The following RBM19 variants were observed in gnomAD, a reference collection of about 807,000 sequenced individuals.
The protein encoded by RBM19 is probable RNA-binding protein 19.
RBM19 carries 94 observed loss-of-function variants against 116.8 expected under a neutral mutation model. The observed-to-expected ratio is 0.80, with a 90% confidence interval of 0.68 to 0.95. The LOEUF is 0.95. Among genes scored for constraint, RBM19 ranks in the 40% least tolerant of loss-of-function variants. RBM19 has a pLI of 0.00. For synonymous variants in RBM19, 475 were observed against 494.1 expected, an observed-to-expected ratio of 0.96 and a Z score of 0.51; for missense variants, 1,161 against 1,220.7, an observed-to-expected ratio of 0.95 and a Z score of 0.73.
intron 23 of RBM19, among the ~76,000 whole-genome samples, chr12:113,830,684 T>G (rs1003848977): frequency 2.0e-5 from 3 of 149,660 alleles, no homozygotes; most frequent in Non-Finnish European, 4.4e-5. Context: ...AAGGGGAGTG[T>G]CCCGGTGAGG....
At chr12:113,949,972 A>G in intron 9 of RBM19, 111 bp downstream of exon 9, 2 of 986,396 alleles carry the variant, frequency 2.0e-6, no homozygotes, top group South Asian at 3.0e-5. Flanking sequence ...GTCTGCAGAG[A>G]CACTGCATTC....
intron 16 of RBM19, among the ~76,000 whole-genome samples, chr12:113,928,008 T>G (rs1205056866): frequency 1.3e-5 from 2 of 152,166 alleles, no homozygotes; most frequent in African/African-American, 4.8e-5. Context: ...AAAAAGTATA[T>G]AACTGTAATT....
chr12:113,918,298 A>G, intron 20 of RBM19, 94 bp downstream of exon 20: 1 of 1,200,398 alleles, frequency 8.3e-7, no homozygotes, highest in Non-Finnish European at 1.2e-6. Context: ...TGGAAAGGAC[A>G]TTGAAGGGTT....
chr12:113,893,152 C>T (rs1881072064), intron 21 of RBM19, among the ~76,000 whole-genome samples: 1 of 151,894 alleles, frequency 6.6e-6, no homozygotes, highest in Admixed American at 6.6e-5. Context: ...CCACCTCAGT[C>T]TCCTGAGTAA....
chr12:113,962,148 G>A (rs1466347389), intron 2 of RBM19, 84 bp downstream of exon 2: 20 of 1,484,650 alleles, frequency 1.3e-5, no homozygotes, highest in Middle Eastern at 1.8e-4. Flanking sequence ...GAAGAGGGAC[G>A]GTCTTTGAAC....
intron 23 of RBM19, among the ~76,000 whole-genome samples, chr12:113,829,786 G>A (rs963582445): frequency 3.3e-5 from 5 of 152,196 alleles, no homozygotes; most frequent in Admixed American, 1.3e-4. Flanking sequence ...CCCAGGGCCC[G>A]GCCCGTTGAG....
At chr12:113,900,007 C>T (rs1022372055) in intron 21 of RBM19, among the ~76,000 whole-genome samples, 10 of 152,092 alleles carry the variant, frequency 6.6e-5, no homozygotes, top group Admixed American at 2.6e-4. Flanking sequence ...GGAATGAGGG[C>T]GCACAATGCC....
intron 11 of RBM19, among the ~76,000 whole-genome samples, chr12:113,947,092 T>G (rs956330058): frequency 2.0e-5 from 3 of 152,252 alleles, no homozygotes; most frequent in Non-Finnish European, 4.4e-5. Context: ...CAGTGCCTGC[T>G]AAGTGCCAGA....
intron 1 of RBM19, chr12:113,965,991 G>C: frequency 1.6e-6 from 1 of 616,278 alleles, no homozygotes; most frequent in Non-Finnish European, 2.8e-6. Flanking sequence ...AACCGGCCGT[G>C]AAACCGTAAG....
chr12:113,956,360 C>T (rs1385612515), intron 6 of RBM19, among the ~76,000 whole-genome samples: 3 of 152,010 alleles, frequency 2.0e-5, no homozygotes, highest in Non-Finnish European at 2.9e-5. Context: ...GTGGGTTGAT[C>T]ACTTGAGGCC....
chr12:113,955,065 C>T (rs1413949807), intron 7 of RBM19, 66 bp downstream of exon 7: 1 of 1,532,670 alleles, frequency 6.5e-7, no homozygotes, highest in East Asian at 2.2e-5. Context: ...CCAAAGGCTC[C>T]TGGCCTCCCC....
rs192712191 is a variant in RBM19, at chr12:113,960,835, G to A, written c.220-657C>T. On this transcript the variant is annotated intron_variant, in intron 2 of 23. Transcript: ENST00000261741. ...GCACTGGGGTGACCACTGGAGGGAC[G>A]GAAGAGTACTGGAGACCCAGCCTGA... 3.3e-3 allele frequency among the ~76,000 whole-genome samples: 500 copies of A among 152,286 alleles called. 1 individual carries two copies. The highest frequency in any genetic ancestry group is 0.011 in the African/African-American group (477 of 41,554).
intron 18 of RBM19, among the ~76,000 whole-genome samples, chr12:113,923,133 C>T (rs929467761): frequency 6.6e-6 from 1 of 151,752 alleles, no homozygotes; most frequent in African/African-American, 2.4e-5. Flanking sequence ...GACTCTGTCT[C>T]GAAAAATAAA....
At chr12:113,837,849 A>C (rs115622106) in intron 23 of RBM19, among the ~76,000 whole-genome samples, 2,638 of 152,302 alleles carry the variant, frequency 0.017, 90 homozygotes, top group African/African-American at 0.059. Context: ...ATTCTTGGAA[A>C]TCTCACAACT....
chr12:113,945,810 T>C lies in RBM19; in HGVS notation c.1626+18A>G. 1 of 1,522,994 alleles carries C rather than the reference T, an allele frequency of 6.6e-7. No individual in the cohort carries two copies. Among genetic ancestry groups the C allele is most frequent in the Non-Finnish European group, 9.1e-7 (1 of 1,098,786 alleles). 94.3% of individuals were successfully genotyped at this position (1,522,994 alleles called of 1,614,324 possible). A position where few individuals can be genotyped will look rare whatever the true frequency, so the allele number is the denominator to read the frequency against. On this transcript the variant is annotated intron_variant, in intron 13 of 23. Transcript: ENST00000261741. ...GTTTGGCCCAGATCCCAGAGAGGAC[T>C]GGTCGGCCCTTACTCACGTGGTCAA...
In RBM19 at chr12:113,895,588, G is replaced by A. The variant is rs117956692; in HGVS notation, c.2558+19381C>T. On this transcript the variant is annotated intron_variant, in intron 21 of 23. Coordinates refer to ENST00000261741, the MANE Select transcript of RBM19 (RefSeq NM_016196.4). ...AAATGGACACAACACTATCACATCCGTCGCCTACAGGTTCACATATGTACA... is the reference window on the plus strand; with the variant it reads ...AAATGGACACAACACTATCACATCCATCGCCTACAGGTTCACATATGTACA... 7.0e-3 allele frequency among the ~76,000 whole-genome samples: 1,062 copies of A among 152,232 alleles called. 2 individuals are homozygous for A. The highest frequency in any genetic ancestry group is 0.017 in the Middle Eastern group (5 of 294).
chr12:113,838,748 GA>G (rs1313518315), intron 23 of RBM19, among the ~76,000 whole-genome samples: 1 of 152,184 alleles, frequency 6.6e-6, no homozygotes, highest in Non-Finnish European at 1.5e-5. Flanking sequence ...ACTACAAATT[GA>G]ATGTTCTACT....
intron 17 of RBM19, among the ~76,000 whole-genome samples, chr12:113,925,608 G>A (rs2135875575): frequency 6.6e-6 from 1 of 152,310 alleles, no homozygotes; most frequent in Middle Eastern, 3.4e-3. Flanking sequence ...CAGGAGCCCT[G>A]GGAACTACGG....
intron 16 of RBM19, among the ~76,000 whole-genome samples, chr12:113,936,341 G>C (rs138175020): frequency 6.6e-6 from 1 of 152,196 alleles, no homozygotes; most frequent in African/African-American, 2.4e-5. Context: ...TGAGGTCCTC[G>C]ATGCGGGGGA....
Sources: gnomAD v4.1 joint callset for allele counts (sites outside exome capture counted in the v4.1 genomes callset) on GRCh38, gnomAD v4.1.1 for gene constraint, MANE v1.5 for transcripts, NCBI Gene and HGNC (gene_info 2026-07-23, HGNC 2026-07-21) for gene names.